UBE2L3: variants seen among roughly 807,000 people sequenced by gnomAD.
UBE2L3 encodes the protein ubiquitin conjugating enzyme E2 L3, also known as ubiquitin-conjugating enzyme E2 L3.
In UBE2L3, 1 loss-of-function variant was observed where a neutral mutation model predicts 17.8. The observed-to-expected ratio is 0.06, with a 90% CI of 0.02 to 0.27. The LOEUF (loss-of-function observed/expected upper bound fraction) is 0.27. Among genes scored for constraint, UBE2L3 ranks in the 10% least tolerant of loss-of-function variants. UBE2L3 has a pLI of 1.00. For missense variants in UBE2L3, 40 were observed against 192.6 expected (o/e 0.21, Z 4.69); for synonymous variants, 44 against 68.5 (o/e 0.64, Z 1.76).
chr22:21,552,890 AT>A (rs1490284073), intron 1 of UBE2L3, among the ~76,000 whole-genome samples: 1 of 133,008 alleles, frequency 7.5e-6, no homozygotes, highest in Admixed American at 7.5e-5. Flanking sequence ...CGCCTGGCTA[AT>A]TTTTTTTGTA....
chr22:21,561,192 G>T (rs1195229587), intron 1 of UBE2L3, among the ~76,000 whole-genome samples: 6 of 152,290 alleles, frequency 3.9e-5, no homozygotes, highest in African/African-American at 1.4e-4. Context: ...TTGAGCCTCA[G>T]TTTTTTCCTC....
intron 1 of UBE2L3, chr22:21,568,055 G>A: frequency 1.6e-6 from 2 of 1,270,556 alleles, no homozygotes; most frequent in African/African-American, 3.1e-5. Flanking sequence ...TCCCCCTGTC[G>A]CGGAGGCCGC....
At chr22:21,583,771 A>G (rs1044090238) in intron 1 of UBE2L3, among the ~76,000 whole-genome samples, 2 of 152,212 alleles carry the variant, frequency 1.3e-5, no homozygotes, top group Non-Finnish European at 2.9e-5. Flanking sequence ...AGAGTTTGGC[A>G]CTGAGTCAAA....
intron 2 of UBE2L3, among the ~76,000 whole-genome samples, chr22:21,593,296 G>A (rs1928357442): frequency 6.6e-6 from 1 of 152,112 alleles, no homozygotes; most frequent in Non-Finnish European, 1.5e-5. Context: ...CCTCAGGAGG[G>A]GACAAGCATT....
intron 1 of UBE2L3, among the ~76,000 whole-genome samples, chr22:21,572,438 A>AAG (rs1555883761): frequency 1.3e-4 from 20 of 150,206 alleles, no homozygotes; most frequent in Non-Finnish European, 2.7e-4. Context: ...AAAAAAAAAA[A>AAG]AAAGAAAACC....
chr22:21,616,631 G>A (rs918516485), intron 3 of UBE2L3, among the ~76,000 whole-genome samples: 22 of 147,178 alleles, frequency 1.5e-4, no homozygotes, highest in Non-Finnish European at 3.0e-4. Context: ...CAGCCTGGGT[G>A]ACAGAGTGAG....
chr22:21,603,709 G>C (rs1928988955), intron 2 of UBE2L3, among the ~76,000 whole-genome samples: 1 of 151,270 alleles, frequency 6.6e-6, no homozygotes, highest in Non-Finnish European at 1.5e-5. Context: ...CGGGTGTGGT[G>C]GTGGGTGCCT....
intron 1 of UBE2L3, among the ~76,000 whole-genome samples, chr22:21,557,715 G>T: frequency 6.6e-6 from 1 of 152,244 alleles, no homozygotes; most frequent in Non-Finnish European, 1.5e-5. Context: ...TAGAGATGGG[G>T]TTTCACCGTG....
intron 1 of UBE2L3, 88 bp from the exon 2 acceptor site, chr22:21,592,773 C>A: frequency 9.3e-7 from 1 of 1,074,864 alleles, no homozygotes. Flanking sequence ...ATTTTTGGCA[C>A]TTGGTTTAAT....
chr22:21,579,396 AT>A (rs1927505423), intron 1 of UBE2L3, among the ~76,000 whole-genome samples: 1 of 152,136 alleles, frequency 6.6e-6, no homozygotes, highest in Non-Finnish European at 1.5e-5. Context: ...CCTTAGCTAA[AT>A]GTTAGTTGAA....
intron 2 of UBE2L3, among the ~76,000 whole-genome samples, chr22:21,600,762 A>G (rs1928815339): frequency 6.6e-6 from 1 of 152,212 alleles, no homozygotes; most frequent in Admixed American, 6.5e-5. Flanking sequence ...AAGTTGTTGA[A>G]AACAGTACAA....
In UBE2L3 at chr22:21,614,282, A is replaced by G. The variant is rs549605824; in HGVS notation, c.310+3239A>G. On this transcript the variant is annotated intron_variant, in intron 3 of 3. Coordinates refer to ENST00000342192, the MANE Select transcript of UBE2L3 (RefSeq NM_003347.4). Reference sequence around the variant, plus strand: ...CACCATTCCTTCATTTGTTTCTTAAATATGGGAAGTGAAAGTGCCACCTGA... The same window carrying G: ...CACCATTCCTTCATTTGTTTCTTAAGTATGGGAAGTGAAAGTGCCACCTGA... Among the ~76,000 whole-genome samples the G allele has an allele frequency of 9.2e-5, 14 of 152,226 alleles. 1 individual carries two copies. The highest frequency in any genetic ancestry group is 3.4e-4 in the African/African-American group (14 of 41,560).
chr22:21,620,029 A>C (rs532921445), intron 3 of UBE2L3, among the ~76,000 whole-genome samples: 1 of 152,284 alleles, frequency 6.6e-6, no homozygotes, highest in African/African-American at 2.4e-5. Flanking sequence ...CAGTGGCTTC[A>C]TGCCTGTCAT....
chr22:21,566,516 G>T (rs1926645963), upstream of UBE2L3, among the ~76,000 whole-genome samples: 1 of 151,808 alleles, frequency 6.6e-6, no homozygotes, highest in Admixed American at 6.6e-5. Flanking sequence ...AGCCTAGGAG[G>T]TCGAGGCGGC....
upstream of UBE2L3, among the ~76,000 whole-genome samples, chr22:21,564,920 T>G (rs1220288156): frequency 2.0e-5 from 3 of 152,204 alleles, no homozygotes; most frequent in South Asian, 2.1e-4. Context: ...GGGTCCCTCA[T>G]GCATACGCTG....
intron 1 of UBE2L3, among the ~76,000 whole-genome samples, chr22:21,576,588 A>G (rs975616448): frequency 3.3e-5 from 5 of 151,700 alleles, no homozygotes; most frequent in African/African-American, 1.2e-4. Flanking sequence ...GTGAGCCACC[A>G]TGCCCGGCCC....
At chr22:21,584,450 C>T (rs1432748847) in intron 1 of UBE2L3, among the ~76,000 whole-genome samples, 2 of 152,098 alleles carry the variant, frequency 1.3e-5, no homozygotes, top group East Asian at 3.9e-4. Context: ...GCTGGAATTA[C>T]AGGCGTGAGC....
intron 3 of UBE2L3, among the ~76,000 whole-genome samples, chr22:21,619,395 G>A (rs1929941592): frequency 6.6e-6 from 1 of 152,130 alleles, no homozygotes; most frequent in African/African-American, 2.4e-5. Flanking sequence ...CAGGCCCCTT[G>A]CCCCTGCTTG....
At chr22:21,589,161 T>TTTG (rs1928116760) in intron 1 of UBE2L3, among the ~76,000 whole-genome samples, 1 of 150,154 alleles carries the variant, frequency 6.7e-6, no homozygotes, top group East Asian at 2.0e-4. Context: ...TTTTTTTTTT[T>TTTG]TTGAGACGGA....
Sources: gnomAD v4.1 joint callset for allele counts (sites outside exome capture counted in the v4.1 genomes callset) on GRCh38, gnomAD v4.1.1 for gene constraint, MANE v1.5 for transcripts, NCBI Gene and HGNC (gene_info 2026-07-23, HGNC 2026-07-21) for gene names.